The following CPXM2 variants were observed in gnomAD, a reference collection of about 807,000 sequenced individuals.
CPXM2 encodes the protein inactive carboxypeptidase-like protein X2.
A neutral mutation model predicts 86.1 loss-of-function variants in CPXM2; 66 were observed. The observed-to-expected ratio is 0.77, with a 90% confidence interval of 0.63 to 0.94. The LOEUF (loss-of-function observed/expected upper bound fraction) is 0.94. Ranked by LOEUF, CPXM2 falls within the 40% of genes least tolerant of loss-of-function variation. The pLI is 0.00. For missense variants in CPXM2, 948 were observed against 1,026.3 expected (o/e 0.92, Z 1.04); for synonymous variants, 388 against 400.2 (o/e 0.97, Z 0.36).
intron 4 of CPXM2, among the ~76,000 whole-genome samples, chr10:123,824,685 C>T (rs1848010043): frequency 6.6e-6 from 1 of 152,166 alleles, no homozygotes; most frequent in African/African-American, 2.4e-5. Context: ...ACTTGCTCTG[C>T]CACATCCTAA....
At chr10:123,784,173 T>A (rs1428572582) in intron 6 of CPXM2, among the ~76,000 whole-genome samples, 1 of 152,074 alleles carries the variant, frequency 6.6e-6, no homozygotes, top group Non-Finnish European at 1.5e-5. Context: ...GAGATTTGAA[T>A]ATGGACACAC....
intron 4 of CPXM2, among the ~76,000 whole-genome samples, chr10:123,809,211 CAAG>C (rs1847640534): frequency 6.6e-6 from 1 of 152,052 alleles, no homozygotes; most frequent in Non-Finnish European, 1.5e-5. Flanking sequence ...CCCCAAAGTG[CAAG>C]AAGTAGGGAT....
intron 2 of CPXM2, among the ~76,000 whole-genome samples, chr10:123,931,245 G>C (rs1174336760): frequency 1.3e-5 from 2 of 151,048 alleles, no homozygotes; most frequent in Non-Finnish European, 2.9e-5. Context: ...CCGAACCCCA[G>C]TAAAAAAAAC....
At chr10:123,853,029 C>A (rs1168461818) in intron 3 of CPXM2, among the ~76,000 whole-genome samples, 1 of 152,102 alleles carries the variant, frequency 6.6e-6, no homozygotes, top group East Asian at 1.9e-4. Flanking sequence ...GGAGATGGGG[C>A]CTGGTGGGAG....
intron 2 of CPXM2, among the ~76,000 whole-genome samples, chr10:123,926,521 A>G (rs1391031010): frequency 6.6e-6 from 1 of 152,202 alleles, no homozygotes; most frequent in East Asian, 1.9e-4. Context: ...GAGAACATCA[A>G]TTCTGTCCAG....
At chr10:123,852,020 G>A (rs1165072940) in intron 3 of CPXM2, among the ~76,000 whole-genome samples, 1 of 152,120 alleles carries the variant, frequency 6.6e-6, no homozygotes, top group Admixed American at 6.5e-5. Flanking sequence ...ACCAGACGCT[G>A]GAAAGGGCAA....
intron 2 of CPXM2, among the ~76,000 whole-genome samples, chr10:123,918,125 A>G (rs1945549241): frequency 6.6e-6 from 1 of 152,220 alleles, no homozygotes; most frequent in South Asian, 2.1e-4. Flanking sequence ...GTTGGTATTT[A>G]TTATTTCCTC....
At chr10:123,840,378 A>T (rs1194827394) in intron 4 of CPXM2, among the ~76,000 whole-genome samples, 2 of 152,268 alleles carry the variant, frequency 1.3e-5, no homozygotes, top group African/African-American at 4.8e-5. Context: ...AATGGCATAA[A>T]TGCATAATCA....
chr10:123,877,078 A>G (rs577518627), intron 2 of CPXM2, among the ~76,000 whole-genome samples: 3 of 152,362 alleles, frequency 2.0e-5, no homozygotes, highest in South Asian at 4.1e-4. Flanking sequence ...GGACACATGT[A>G]AAAAACAAGC....
At chr10:123,876,047 C>A (rs1478313137) in intron 2 of CPXM2, among the ~76,000 whole-genome samples, 2 of 151,980 alleles carry the variant, frequency 1.3e-5, no homozygotes, top group African/African-American at 2.4e-5. Flanking sequence ...AAACTCCTTA[C>A]CTCAGGTGAT....
rs867926892 is a variant in CPXM2, at chr10:123,923,048, G to T, written n.174+16429C>A. ...AGGGAGATCTATTCAAGCCTCTATA[G>T]CTAACTCCTGGTTCAGGGGGAAAAG... is the stretch of plus-strand genomic sequence containing the variant. On this transcript the variant is annotated intron_variant and non_coding_transcript_variant, in intron 2 of 19. Coordinates refer to the CPXM2 transcript ENST00000368854. Among the ~76,000 whole-genome samples, 4 of 152,244 alleles carry T rather than the reference G, an allele frequency of 2.6e-5. No individual in the cohort carries two copies. The South Asian group carries it at 8.3e-4, about 32-fold the overall frequency.
chr10:123,941,014 AC>A (rs141322482), upstream of CPXM2, among the ~76,000 whole-genome samples: 21,517 of 152,024 alleles, frequency 0.14, 1,824 homozygotes, highest in East Asian at 0.29. Context: ...TACTAAAAAT[AC>A]AAAAGATTAG....
At chr10:123,769,036 G>A (rs753447618) in intron 8 of CPXM2, among the ~76,000 whole-genome samples, 3 of 152,192 alleles carry the variant, frequency 2.0e-5, no homozygotes, top group Non-Finnish European at 4.4e-5. Context: ...TTGAGCACAA[G>A]CCGTAGCAAT....
chr10:123,826,885 C>T (rs1848059097), intron 4 of CPXM2, among the ~76,000 whole-genome samples: 1 of 151,960 alleles, frequency 6.6e-6, no homozygotes, highest in South Asian at 2.1e-4. Context: ...TTATGAATAT[C>T]TATGCACTAA....
At chr10:123,873,856 C>CTTTTTTTTT (rs56223052) in intron 2 of CPXM2, among the ~76,000 whole-genome samples, 2 of 105,286 alleles carry the variant, frequency 1.9e-5, no homozygotes, top group African/African-American at 3.9e-5. Context: ...TCTCACATTT[C>CTTTTTTTTT]TTTTTTTTTT....
chr10:123,829,416 G>A (rs535336985), intron 4 of CPXM2, among the ~76,000 whole-genome samples: 7 of 149,692 alleles, frequency 4.7e-5, no homozygotes, highest in African/African-American at 1.5e-4. Context: ...CTATTGCCTC[G>A]GCCTCCCAAA....
intron 2 of CPXM2, among the ~76,000 whole-genome samples, chr10:123,936,238 A>C (rs866168468): frequency 6.6e-6 from 1 of 152,222 alleles, no homozygotes; most frequent in African/African-American, 2.4e-5. Flanking sequence ...TAAGGCTCAG[A>C]GACTGTAAAC....
intron 3 of CPXM2, among the ~76,000 whole-genome samples, chr10:123,851,050 T>A (rs1848588881): frequency 2.6e-5 from 4 of 152,196 alleles, no homozygotes; most frequent in Admixed American, 1.3e-4. Context: ...TGTCTGTGCA[T>A]CCTGTCTCAT....
intron 2 of CPXM2, among the ~76,000 whole-genome samples, chr10:123,868,773 AAGCAGACACGTGACCGGCAGGTGC>A (rs1358808885): frequency 2.0e-5 from 3 of 152,184 alleles, no homozygotes; most frequent in East Asian, 1.9e-4. Context: ...ACACAAAGGC[AAGCAGACACGTGACCGGCAGGTGC>A]AGCAGACACT....
Sources: allele counts gnomAD v4.1 joint callset (sites outside exome capture counted in the v4.1 genomes callset), GRCh38; gene constraint gnomAD v4.1.1; transcripts MANE v1.5; gene names NCBI Gene and HGNC (gene_info 2026-07-23, HGNC 2026-07-21).